The following DLG2 variants were observed in gnomAD, a reference collection of about 807,000 sequenced individuals.
DLG2 encodes disks large homolog 2.
DLG2 carries 45 observed loss-of-function variants against 132.5 expected under a neutral mutation model. The observed-to-expected ratio is 0.34, with a 90% CI of 0.27 to 0.44. DLG2 has a LOEUF of 0.44. Ranked by LOEUF, DLG2 falls within the 20% of genes least tolerant of loss-of-function variation. The pLI, the probability that DLG2 is intolerant of heterozygous loss-of-function variation, is 1.00. For missense variants in DLG2, 1,045 were observed against 1,196.9 expected, an observed-to-expected ratio of 0.87 and a Z score of 1.87; for synonymous variants, 424 against 419.6, an observed-to-expected ratio of 1.01 and a Z score of -0.13.
rs188499469 is a variant in DLG2, at chr11:84,185,314, T to G, written c.574-21803A>C. ...CCCTTGTAAGTTGGATTCCTAGGTA[T>G]TTTATTCTCTTTGAAGCAATTGTGA... On this transcript the variant is annotated intron_variant, in intron 8 of 27. Transcript: ENST00000376104. Among the ~76,000 whole-genome samples the G allele has an allele frequency of 5.9e-5, 9 of 152,282 alleles. No individual in the cohort carries two copies. In the East Asian group the frequency reaches 1.7e-3, roughly 29 times the overall value.
chr11:83,831,532 CAGAGAG>C (rs140071758), intron 17 of DLG2, among the ~76,000 whole-genome samples: 3 of 146,700 alleles, frequency 2.0e-5, no homozygotes, highest in East Asian at 2.0e-4. Context: ...GTGTGTATGT[CAGAGAG>C]AGAGAGAGAG....
At chr11:84,589,645 C>T (rs1033599686) in intron 6 of DLG2, among the ~76,000 whole-genome samples, 2 of 152,090 alleles carry the variant, frequency 1.3e-5, no homozygotes, top group African/African-American at 4.8e-5. Context: ...ATCAATTACA[C>T]ATTCTTCTAT....
chr11:85,445,838 A>C (rs535639223), intron 3 of DLG2, among the ~76,000 whole-genome samples: 2 of 152,308 alleles, frequency 1.3e-5, no homozygotes, highest in South Asian at 4.1e-4. Context: ...CTCTATAAAA[A>C]TTTTGGGATT....
At chr11:85,439,625 C>T (rs1229324528) in intron 3 of DLG2, among the ~76,000 whole-genome samples, 3 of 152,100 alleles carry the variant, frequency 2.0e-5, no homozygotes, top group Non-Finnish European at 4.4e-5. Context: ...TCCCAAAGTG[C>T]TGGAATTACA....
At chr11:84,644,906 C>G (rs1040871050) in intron 6 of DLG2, among the ~76,000 whole-genome samples, 1 of 152,072 alleles carries the variant, frequency 6.6e-6, no homozygotes, top group African/African-American at 2.4e-5. Context: ...TCAAGACACA[C>G]AAATTCTCTT....
intron 19 of DLG2, among the ~76,000 whole-genome samples, chr11:83,546,286 G>C (rs184939489): frequency 5.5e-4 from 84 of 152,242 alleles, no homozygotes; most frequent in Admixed American, 1.6e-3. Context: ...TTATTGGGTA[G>C]GCAACATAGC....
intron 3 of DLG2, among the ~76,000 whole-genome samples, chr11:85,348,884 C>T (rs1189473430): frequency 1.3e-5 from 2 of 152,146 alleles, no homozygotes; most frequent in East Asian, 3.8e-4. Context: ...ATTATTATAA[C>T]ACTGCTGACA....
intron 9 of DLG2, among the ~76,000 whole-genome samples, chr11:84,153,468 G>A (rs771147989): frequency 1.6e-4 from 24 of 151,530 alleles, no homozygotes; most frequent in Non-Finnish European, 3.5e-4. Flanking sequence ...TTCTCTCTTG[G>A]GAATACCAGC....
intron 10 of DLG2, among the ~76,000 whole-genome samples, chr11:84,086,727 C>T (rs532622521): frequency 6.6e-6 from 1 of 152,136 alleles, no homozygotes; most frequent in African/African-American, 2.4e-5. Flanking sequence ...TGTGCTCAAG[C>T]AATCTGCCCG....
intron 6 of DLG2, among the ~76,000 whole-genome samples, chr11:84,836,440 T>C (rs1397853499): frequency 2.0e-5 from 3 of 151,732 alleles, no homozygotes; most frequent in Admixed American, 2.0e-4. Flanking sequence ...TTCAGAAAAA[T>C]TGATAAAGTC....
chr11:84,563,132 C>T (rs1171819402), intron 6 of DLG2, among the ~76,000 whole-genome samples: 1 of 152,218 alleles, frequency 6.6e-6, no homozygotes, highest in Non-Finnish European at 1.5e-5. Context: ...GTGCCTAGCA[C>T]TGTCGCTAGC....
intron 6 of DLG2, among the ~76,000 whole-genome samples, chr11:84,705,725 C>G (rs1450116157): frequency 6.6e-6 from 1 of 151,680 alleles, no homozygotes; most frequent in Non-Finnish European, 1.5e-5. Flanking sequence ...ACCTCATTTT[C>G]CCTCTGCTGT....
At chr11:85,252,777 G>A (rs899267460) in intron 4 of DLG2, among the ~76,000 whole-genome samples, 2 of 152,028 alleles carry the variant, frequency 1.3e-5, no homozygotes, top group Admixed American at 1.3e-4. Flanking sequence ...GAAAGGCTGT[G>A]GGGAAAGGAA....
At position 84,615,838 on chromosome 11, in the gene DLG2, AAAC is replaced by A. The variant is rs200328259; in HGVS notation, c.358-81110_358-81108del. Among the ~76,000 whole-genome samples, 189 of 146,634 alleles carry A rather than the reference AAAC, an allele frequency of 1.3e-3. 8 individuals are homozygous for A. Among genetic ancestry groups the A allele is most frequent in the African/African-American group, 2.9e-3 (111 of 38,776 alleles). ...AACGGTAAAAAAAAAAAAAAAAAAA[AAAC>A]TTCATTCCAGTACCCCATGTAATAT... On this transcript the variant is annotated intron_variant, in intron 6 of 27. Coordinates refer to ENST00000376104, the MANE Select transcript of DLG2 (RefSeq NM_001142699.3).
At chr11:83,631,867 T>C (rs2063621222) in intron 19 of DLG2, 1 of 152,146 alleles carries the variant, frequency 6.6e-6, no homozygotes, top group Non-Finnish European at 1.5e-5. Context: ...AATTTAAAAA[T>C]ACTTTGTAGC....
chr11:84,131,208 G>A (rs986811905), intron 9 of DLG2, among the ~76,000 whole-genome samples: 1 of 151,998 alleles, frequency 6.6e-6, no homozygotes, highest in African/African-American at 2.4e-5. Flanking sequence ...TGAGCATGTT[G>A]AAGAATGGAG....
chr11:85,464,618 C>G (rs1473953961), intron 3 of DLG2, among the ~76,000 whole-genome samples: 1 of 152,052 alleles, frequency 6.6e-6, no homozygotes, highest in Non-Finnish European at 1.5e-5. Context: ...GGAATAGTCA[C>G]AAATCTTGTG....
At chr11:83,575,227 G>T (rs2096855835) in intron 19 of DLG2, among the ~76,000 whole-genome samples, 1 of 152,186 alleles carries the variant, frequency 6.6e-6, no homozygotes, top group Admixed American at 6.6e-5. Context: ...AGGGAATAAT[G>T]ATTTCCCAGA....
At chr11:84,120,014 A>G (rs10898206) in intron 9 of DLG2, among the ~76,000 whole-genome samples, 118,156 of 152,150 alleles carry the variant, frequency 0.78, 46,434 homozygotes, top group Middle Eastern at 0.89. Context: ...GAAGGAGGGG[A>G]CTAGGAAGAG....
Sources: gnomAD v4.1 joint callset for allele counts (sites outside exome capture counted in the v4.1 genomes callset) on GRCh38, gnomAD v4.1.1 for gene constraint, MANE v1.5 for transcripts, NCBI Gene and HGNC (gene_info 2026-07-23, HGNC 2026-07-21) for gene names.